The following HAS3 variants were observed in gnomAD, a reference collection of about 807,000 sequenced individuals.
HAS3 encodes hyaluronan synthase 3, also known as HA synthase 3.
A neutral mutation model predicts 50.3 loss-of-function variants in HAS3; 27 were observed. The ratio of observed to expected loss-of-function variants is 0.54; its 90% CI spans 0.40 to 0.74. HAS3 has a LOEUF of 0.74. HAS3 is among the 30% of genes least tolerant of loss of function. The pLI, the probability that HAS3 is intolerant of heterozygous loss-of-function variation, is 0.00. For synonymous variants in HAS3, 339 were observed against 310.9 expected (o/e 1.09, Z -0.95); for missense variants, 517 against 742.8 (o/e 0.70, Z 3.53).
In HAS3 at chr16:69,109,157, AG is replaced by A. The variant is rs1960908319; in HGVS notation, c.1-237del. On this transcript the variant is annotated intron_variant, in intron 1 of 3. Transcript: ENST00000569188. The surrounding 1 kb of genome is among the most constrained non-coding windows in gnomAD (Gnocchi z 5.3). ...CCATTTAACCCTCAAAGATGCCTTGAGGTTAGTCCTGCAACCCACATTTTAC... is the reference window on the plus strand; with the variant it reads ...CCATTTAACCCTCAAAGATGCCTTGAGTTAGTCCTGCAACCCACATTTTAC... Among the ~76,000 whole-genome samples, 1 of 152,200 alleles carries A rather than the reference AG, an allele frequency of 6.6e-6. No homozygotes were observed. Among genetic ancestry groups the A allele is most frequent in the African/African-American group, 2.4e-5 (1 of 41,466 alleles).
chr16:69,089,449 A>C, the HAS3 span, among the ~76,000 whole-genome samples: 1 of 152,124 alleles, frequency 6.6e-6, no homozygotes, highest in Non-Finnish European at 1.5e-5. Context: ...CCCTTCCCCC[A>C]GCAGCAGCTT....
In HAS3 at chr16:69,117,575, GCTT is replaced by G. The variant is rs761085248; in HGVS notation, c.*2310_*2312del. ...TTTGTAAACATATTTATTTTTACCT[GCTT>G]TTTTTTTTTTTTTTAATTTTCAGGT... On this transcript the variant is annotated 3_prime_UTR_variant, in exon 4 of 4. Transcript: ENST00000569188. 1.4e-6 allele frequency: 1 copy of G among 734,416 alleles called. No individual in the cohort carries two copies. The highest frequency in any genetic ancestry group is 1.7e-4 in the East Asian group (1 of 6,056). The allele number at this position is 734,416 out of a possible 1,614,324, so 45.5% of individuals were successfully genotyped here. A position where few individuals can be genotyped will look rare whatever the true frequency, so the allele number is the denominator to read the frequency against.
rs1424863078 is a variant in HAS3, at chr16:69,117,636, TAA to T, written c.*2372_*2373del. 1.1e-6 allele frequency: 1 copy of T among 931,896 alleles called. No homozygotes were observed. The highest frequency in any genetic ancestry group is 1.8e-5 in the African/African-American group (1 of 56,040). 57.7% of individuals were successfully genotyped at this position (931,896 alleles called of 1,614,324 possible). A position where few individuals can be genotyped will look rare whatever the true frequency, so the allele number is the denominator to read the frequency against. On this transcript the variant is annotated 3_prime_UTR_variant, in exon 4 of 4. Transcript: ENST00000569188. ...TTTATACTGCACTTATTTGTCAAAA[TAA>T]AGATTCTCACATATGCCGGTTATCT...
chr16:69,100,747 G>C (rs1960689049), upstream of HAS3, among the ~76,000 whole-genome samples: 1 of 152,180 alleles, frequency 6.6e-6, no homozygotes, highest in African/African-American at 2.4e-5. Context: ...CATTTCGTGA[G>C]TTTGGATTTG....
intron 2 of HAS3, among the ~76,000 whole-genome samples, chr16:69,112,889 G>A (rs573714722): frequency 6.6e-6 from 1 of 152,342 alleles, no homozygotes; most frequent in South Asian, 2.1e-4. Context: ...GGTCCGAGAG[G>A]CTCGGCCAAG....
In HAS3 at chr16:69,114,491, A is replaced by G. The variant is rs756818910; in HGVS notation, c.887A>G (p.Gln296Arg). ...PLGMYRNSLL[Q>R]QFLEDWYHQK... ...GGCATGTACCGCAACAGCCTCCTCC[A>G]GCAGTTCCTGGAGGACTGGTACCAT... Residue 296 changes from glutamine (Q) to arginine (R), a missense_variant, in exon 4 of 4, where the codon CAG becomes CGG. Coordinates refer to ENST00000569188, the MANE Select transcript of HAS3 (RefSeq NM_001199280.2). This position sits in a 1 kb window ranked among gnomAD's most constrained non-coding sequence, Gnocchi z 6.4. The G allele has an allele frequency of 4.3e-6, 7 of 1,613,928 alleles. No individual in the cohort carries two copies. Among genetic ancestry groups the G allele is most frequent in the Non-Finnish European group, 5.9e-6 (7 of 1,179,980 alleles).
the HAS3 span, chr16:69,083,844 C>T: frequency 1.7e-6 from 1 of 598,184 alleles, no homozygotes; most frequent in East Asian, 2.8e-5. Context: ...GTTCAGCACT[C>T]CCGCGTTCAG....
At chr16:69,098,082 C>T in the HAS3 span, among the ~76,000 whole-genome samples, 2 of 152,140 alleles carry the variant, frequency 1.3e-5, no homozygotes, top group African/African-American at 4.8e-5. Flanking sequence ...CCCACCCTGC[C>T]CGGGCTTATA....
rs1483142009 is a variant in HAS3 at position 69,109,923 on chromosome 16, T to C, written c.528T>C (p.Asp176=). ...AGGAGGGCATGGACCGTGTGCGGGA[T>C]GTGGTGCGGGCCAGCACCTTCTCGT... ...SLQEGMDRVR[D]VVRASTFSCI... is the part of the protein sequence containing the mutation. The change falls in exon 2 of 4, where the codon GAT becomes GAC. Residue 176 remains aspartate, a synonymous_variant. Transcript: ENST00000569188. This position sits in a 1 kb window ranked among gnomAD's most constrained non-coding sequence, Gnocchi z 5.3. 1.2e-6 allele frequency: 2 copies of C among 1,614,054 alleles called. No individual in the cohort carries two copies. Among genetic ancestry groups the C allele is most frequent in the Non-Finnish European group, 1.7e-6 (2 of 1,179,996 alleles).
chr16:69,115,803 C>T lies in HAS3; in HGVS notation c.*537C>T, dbSNP rs900761871. 6.7e-5 allele frequency: 66 copies of T among 985,850 alleles called. No individual in the cohort carries two copies. The highest frequency in any genetic ancestry group is 7.6e-5 in the Non-Finnish European group (63 of 830,130). 61.1% of individuals were successfully genotyped at this position (985,850 alleles called of 1,614,324 possible). On this transcript the variant is annotated 3_prime_UTR_variant, in exon 4 of 4. Coordinates refer to ENST00000569188, the MANE Select transcript of HAS3 (RefSeq NM_001199280.2). The stretch of plus-strand genomic sequence containing the variant: ...AAGGCCCAGAAGCCTGATCTTTGGG[C>T]ATCAGAAAACAGGGTCCAGGAATGG...
At chr16:69,092,559 C>G in the HAS3 span, among the ~76,000 whole-genome samples, 1 of 149,432 alleles carries the variant, frequency 6.7e-6, no homozygotes, top group Non-Finnish European at 1.5e-5. Context: ...CAAGATCGTG[C>G]CACTGCACTC....
the HAS3 span, among the ~76,000 whole-genome samples, chr16:69,099,819 T>G: frequency 7.3e-6 from 1 of 136,406 alleles, no homozygotes; most frequent in African/African-American, 3.1e-5. Flanking sequence ...GCCTTCTGGG[T>G]TTTTTTTTTT....
At chr16:69,098,457 G>C in the HAS3 span, among the ~76,000 whole-genome samples, 1 of 151,494 alleles carries the variant, frequency 6.6e-6, no homozygotes, top group African/African-American at 2.4e-5. Context: ...TGTCCAGGCT[G>C]GTCTCAAACT....
the HAS3 span, among the ~76,000 whole-genome samples, chr16:69,092,600 C>T: frequency 1.0e-5 from 1 of 99,388 alleles, no homozygotes; most frequent in Admixed American, 1.1e-4. Context: ...AACTCCGTCT[C>T]AAAAAAAAAA....
the HAS3 span, among the ~76,000 whole-genome samples, chr16:69,098,109 C>T: frequency 1.3e-5 from 2 of 152,110 alleles, no homozygotes; most frequent in South Asian, 2.1e-4. Context: ...TCCTGCCAGG[C>T]GCGGTGGCTC....
At chr16:69,110,068 A>T (rs748923433) in intron 2 of HAS3, 37 bp downstream of exon 2, 2 of 1,562,436 alleles carry the variant, frequency 1.3e-6, no homozygotes, top group East Asian at 4.5e-5. Context: ...GTACATGGGG[A>T]TAAGTCTGGA....
chr16:69,115,385 A>G lies in HAS3; in HGVS notation c.*119A>G. 7.1e-7 allele frequency: 1 copy of G among 1,404,000 alleles called. No homozygotes were observed. The highest frequency in any genetic ancestry group is 9.2e-7 in the Non-Finnish European group (1 of 1,083,716). The allele number at this position is 1,404,000 out of a possible 1,614,324, so 87.0% of individuals were successfully genotyped here. On this transcript the variant is annotated 3_prime_UTR_variant, in exon 4 of 4. Transcript: ENST00000569188. ...TGTGTTTTAGTCTCTTAATGGTCCAAAGGACAAATCTAAAATGCAAAGAAC... is the reference window on the plus strand; with the variant it reads ...TGTGTTTTAGTCTCTTAATGGTCCAGAGGACAAATCTAAAATGCAAAGAAC...
chr16:69,115,422 A>G lies in HAS3; in HGVS notation c.*156A>G. 2.9e-6 allele frequency: 4 copies of G among 1,365,118 alleles called. No individual in the cohort carries two copies. The highest frequency in any genetic ancestry group is 3.8e-6 in the Non-Finnish European group (4 of 1,064,014). The allele number at this position is 1,365,118 out of a possible 1,614,324, so 84.6% of individuals were successfully genotyped here. A position where few individuals can be genotyped will look rare whatever the true frequency, so the allele number is the denominator to read the frequency against. ...AAAATGCAAAGAACGGTGATGTAGTATGGCCTGACAGCTCTGTTTAGAGGA... is the reference window on the plus strand; with the variant it reads ...AAAATGCAAAGAACGGTGATGTAGTGTGGCCTGACAGCTCTGTTTAGAGGA... On this transcript the variant is annotated 3_prime_UTR_variant, in exon 4 of 4. Transcript: ENST00000569188.
chr16:69,096,756 T>G, the HAS3 span, among the ~76,000 whole-genome samples: 2 of 151,296 alleles, frequency 1.3e-5, no homozygotes, highest in Non-Finnish European at 2.9e-5. Context: ...TAACTGAGAC[T>G]ACAGGCAAGC....
Sources: allele counts gnomAD v4.1 joint callset (sites outside exome capture counted in the v4.1 genomes callset), GRCh38; gene constraint gnomAD v4.1.1; non-coding constraint Gnocchi (gnomAD v3.1); transcripts MANE v1.5; gene names NCBI Gene and HGNC (gene_info 2026-07-23, HGNC 2026-07-21).